ULK2: variants seen among roughly 807,000 people sequenced by gnomAD.
ULK2 encodes the protein unc-51 like autophagy activating kinase 2, also known as serine/threonine-protein kinase ULK2.
Under a neutral mutation model 127.5 loss-of-function variants are expected in ULK2, and 76 were observed. The observed-to-expected ratio is 0.60, with a 90% CI of 0.50 to 0.72. ULK2 has a LOEUF of 0.72. ULK2 is among the 30% of genes least tolerant of loss of function. ULK2 has a pLI of 0.00. For missense variants in ULK2, 1,144 were observed against 1,295.9 expected (o/e 0.88, Z 1.80); for synonymous variants, 452 against 461.9 (o/e 0.98, Z 0.28).
chr17:19,814,100 A>AT (rs1341895860), intron 13 of ULK2, among the ~76,000 whole-genome samples: 2 of 152,038 alleles, frequency 1.3e-5, no homozygotes, highest in African/African-American at 2.4e-5. Context: ...AAGAAACCCC[A>AT]TCTTGTATTT....
Position 19,810,374 on chromosome 17 carries a change from A to G in ULK2, c.1157+4T>C, listed in dbSNP as rs2087611242. 1 of 1,590,212 alleles carries G rather than the reference A, an allele frequency of 6.3e-7. No homozygotes were observed. The highest frequency in any genetic ancestry group is 1.1e-5 in the South Asian group (1 of 89,414). On this transcript the variant is annotated splice_donor_region_variant and intron_variant, in intron 14 of 26. Coordinates refer to ENST00000395544, the MANE Select transcript of ULK2 (RefSeq NM_014683.4). Reference sequence around the variant, plus strand: ...TTTTAATAAGATAATGTAAATATACATACCCTCCACACACCAAGAATTCAT... The same window carrying G: ...TTTTAATAAGATAATGTAAATATACGTACCCTCCACACACCAAGAATTCAT...
At chr17:19,831,480 C>G (rs956313304) in intron 10 of ULK2, among the ~76,000 whole-genome samples, 4 of 152,142 alleles carry the variant, frequency 2.6e-5, no homozygotes, top group East Asian at 3.9e-4. Flanking sequence ...TGGGATGTAG[C>G]AAAAGCAGTA....
At chr17:19,795,971 A>G in intron 19 of ULK2, 124 bp downstream of exon 19, 1 of 1,336,604 alleles carries the variant, frequency 7.5e-7, no homozygotes, top group South Asian at 1.4e-5. Flanking sequence ...CGTGGTACAT[A>G]TCAATAACCA....
chr17:19,809,732 CAAAAA>C (rs369486144), intron 14 of ULK2, among the ~76,000 whole-genome samples: 7 of 90,500 alleles, frequency 7.7e-5, no homozygotes, highest in Middle Eastern at 0.01. Flanking sequence ...GACTCCGTCT[CAAAAA>C]AAAAAAAAAA....
Position 19,783,853 on chromosome 17 carries a change from G to A in ULK2, c.2304C>T (p.Cys768=), listed in dbSNP as rs780886372. Reference sequence around the variant, plus strand: ...AGCCTGGGCCAGGCGGGGACCCCACGCACACGCGGCCACTCATGGCACAAA... The same window carrying A: ...AGCCTGGGCCAGGCGGGGACCCCACACACACGCGGCCACTCATGGCACAAA... ...GSLCAMSGRV[C]VGSPPGPGFG... Residue 768 remains cysteine, a synonymous_variant, in exon 22 of 27, where the codon TGC becomes TGT. Coordinates refer to ENST00000395544, the MANE Select transcript of ULK2 (RefSeq NM_014683.4). The A allele has an allele frequency of 1.3e-5, 20 of 1,587,104 alleles. No individual in the cohort carries two copies. Among genetic ancestry groups the A allele is most frequent in the Admixed American group, 3.6e-5 (2 of 55,898 alleles).
chr17:19,795,854 A>T, intron 19 of ULK2, 129 bp from the exon 20 acceptor site: 1 of 953,804 alleles, frequency 1.0e-6, no homozygotes, highest in East Asian at 2.6e-5. Flanking sequence ...GATAAACTTC[A>T]ATAATACAAA....
chr17:19,822,351 A>G (rs2041170850), intron 12 of ULK2, among the ~76,000 whole-genome samples: 1 of 151,680 alleles, frequency 6.6e-6, no homozygotes, highest in Non-Finnish European at 1.5e-5. Context: ...CCAGTGACTT[A>G]TTTTATTTTT....
intron 3 of ULK2, among the ~76,000 whole-genome samples, chr17:19,852,925 C>T (rs1483115559): frequency 6.6e-6 from 1 of 152,056 alleles, no homozygotes; most frequent in African/African-American, 2.4e-5. Flanking sequence ...GCTGGGATTA[C>T]AGGCGTGAGC....
At chr17:19,829,838 CAAAAAAAA>C (rs60131689) in intron 10 of ULK2, among the ~76,000 whole-genome samples, 19 of 120,598 alleles carry the variant, frequency 1.6e-4, no homozygotes, top group Admixed American at 8.7e-4. Flanking sequence ...GACTCCATTT[CAAAAAAAA>C]AAAAAAAAAA....
chr17:19,850,209 C>G (rs561027190), intron 3 of ULK2, among the ~76,000 whole-genome samples: 57 of 152,166 alleles, frequency 3.7e-4, no homozygotes, highest in Non-Finnish European at 6.9e-4. Flanking sequence ...TATGCACAGT[C>G]TGATTTCTGG....
chr17:19,852,087 G>C (rs1048726551), intron 3 of ULK2, among the ~76,000 whole-genome samples: 2 of 149,508 alleles, frequency 1.3e-5, no homozygotes, highest in African/African-American at 2.5e-5. Flanking sequence ...TAGCTGGGCA[G>C]TGTGGCACGC....
At chr17:19,852,700 A>G (rs1339147779) in intron 3 of ULK2, among the ~76,000 whole-genome samples, 1 of 148,118 alleles carries the variant, frequency 6.8e-6, no homozygotes, top group East Asian at 2.0e-4. Context: ...GCGCAATCTC[A>G]GCTCACTGCA....
At chr17:19,791,530 C>T (rs1390737923) in intron 20 of ULK2, among the ~76,000 whole-genome samples, 2 of 151,988 alleles carry the variant, frequency 1.3e-5, no homozygotes, top group African/African-American at 2.4e-5. Flanking sequence ...ACTAAAAATA[C>T]AAAAATTAGC....
chr17:19,830,349 T>C (rs1052457309), intron 10 of ULK2, among the ~76,000 whole-genome samples: 7 of 152,092 alleles, frequency 4.6e-5, no homozygotes, highest in African/African-American at 1.7e-4. Context: ...TAAAGGTGCA[T>C]ACCACTACAC....
chr17:19,784,715 G>A (rs2086992324), intron 21 of ULK2, among the ~76,000 whole-genome samples: 1 of 151,436 alleles, frequency 6.6e-6, no homozygotes. Context: ...TTGTAGAGAT[G>A]GGGTTTCACC....
At chr17:19,777,767 C>T (rs747019248) in intron 25 of ULK2, 51 bp from the exon 26 acceptor site, 2 of 1,569,446 alleles carry the variant, frequency 1.3e-6, no homozygotes, top group Admixed American at 2.0e-5. Context: ...CAAGAAAATA[C>T]AAATCCATTT....
intron 10 of ULK2, among the ~76,000 whole-genome samples, chr17:19,836,465 C>A (rs2041600715): frequency 6.6e-6 from 1 of 151,928 alleles, no homozygotes; most frequent in African/African-American, 2.4e-5. Context: ...ACTTGTAATC[C>A]CAGCTACTTG....
At chr17:19,782,626 G>A (rs1349929991) in intron 22 of ULK2, among the ~76,000 whole-genome samples, 1 of 152,152 alleles carries the variant, frequency 6.6e-6, no homozygotes, top group African/African-American at 2.4e-5. Context: ...TTAAAAATGG[G>A]CATTCTAGGC....
In ULK2 at chr17:19,840,831, G is replaced by C. The variant is rs546310940; in HGVS notation, c.704+658C>G. Among the ~76,000 whole-genome samples, 53 of 152,132 alleles carry C rather than the reference G, an allele frequency of 3.5e-4. 2 individuals carry two copies. In the South Asian group the frequency reaches 0.011, roughly 32 times the overall value. On this transcript the variant is annotated intron_variant, in intron 9 of 26. Coordinates refer to ENST00000395544, the MANE Select transcript of ULK2 (RefSeq NM_014683.4). Reference sequence around the variant, plus strand: ...TTGAACTCGGGAGGGGGAGGCTGCAGTGAGCCGAGATCATGCCACTGCACT... The same window carrying C: ...TTGAACTCGGGAGGGGGAGGCTGCACTGAGCCGAGATCATGCCACTGCACT...
Sources: gnomAD v4.1 joint callset for allele counts (sites outside exome capture counted in the v4.1 genomes callset) on GRCh38, gnomAD v4.1.1 for gene constraint, MANE v1.5 for transcripts, NCBI Gene and HGNC (gene_info 2026-07-23, HGNC 2026-07-21) for gene names.